The following NAPG variants were observed in gnomAD, a reference collection of about 807,000 sequenced individuals.
NAPG encodes NSF attachment protein gamma.
A neutral mutation model predicts 48.4 loss-of-function variants in NAPG; 25 were observed. The ratio of observed to expected loss-of-function variants is 0.52; its 90% CI spans 0.38 to 0.72. NAPG has a LOEUF of 0.72. NAPG is among the 30% of genes least tolerant of loss of function. The pLI, the probability that NAPG is intolerant of heterozygous loss-of-function variation, is 0.00. For synonymous variants in NAPG, 139 were observed against 127.2 expected, an observed-to-expected ratio of 1.09 and a Z score of -0.62; for missense variants, 359 against 372.5, an observed-to-expected ratio of 0.96 and a Z score of 0.30.
At chr18:10,532,444 T>C (rs2031946733) in intron 2 of NAPG, among the ~76,000 whole-genome samples, 1 of 152,186 alleles carries the variant, frequency 6.6e-6, no homozygotes, top group African/African-American at 2.4e-5. Context: ...GAAAGACTTC[T>C]TGATTTTGAG....
chr18:10,526,234 G>A, intron 1 of NAPG, 76 bp downstream of exon 1: 1 of 876,488 alleles, frequency 1.1e-6, no homozygotes, highest in South Asian at 1.3e-5. Context: ...AGCACCCGGG[G>A]GGGGCGGGAG....
intron 11 of NAPG, 90 bp downstream of exon 11, chr18:10,549,186 A>AT (rs1341774373): frequency 2.2e-5 from 31 of 1,440,882 alleles, no homozygotes; most frequent in Middle Eastern, 1.8e-4. Flanking sequence ...TACTTAAGAG[A>AT]TTTTTTCCTA....
At position 10,540,345 on chromosome 18, in the gene NAPG, G is replaced by C; in HGVS notation, c.452G>C (p.Arg151Pro). 3.1e-6 allele frequency: 5 copies of C among 1,613,684 alleles called. No homozygotes were observed. The highest frequency in any genetic ancestry group is 4.2e-6 in the Non-Finnish European group (5 of 1,179,748). Residue 151 changes from arginine to proline, a missense_variant, in exon 8 of 12, where the codon CGA becomes CCA. Coordinates refer to ENST00000322897, the MANE Select transcript of NAPG (RefSeq NM_003826.3). ...TTCCTTCAGAATGAAGAACGCTTAC[G>C]ACAGGCAGTTGAATTACTAGGAAAA... ...ANVFENEERL[R>P]QAVELLGKAS...
At chr18:10,540,140 CT>C in intron 7 of NAPG, 86 bp downstream of exon 7, 2 of 1,191,756 alleles carry the variant, frequency 1.7e-6, no homozygotes, top group South Asian at 1.5e-5. Context: ...GCAGTGGCTA[CT>C]TTTAAAACTT....
rs887689764 is a variant in NAPG, at chr18:10,544,396, C to G, written c.507-1930C>G. On this transcript the variant is annotated intron_variant, in intron 8 of 11. Transcript: ENST00000322897. This position sits in a 1 kb window ranked among gnomAD's most constrained non-coding sequence, Gnocchi z 5.1. Reference sequence around the variant, plus strand: ...GGCTGATCTCACCGGAGGCTTGGGTCCTTTTCCAAGCTCATTGATTGTTGG... The same window carrying G: ...GGCTGATCTCACCGGAGGCTTGGGTGCTTTTCCAAGCTCATTGATTGTTGG... Among the ~76,000 whole-genome samples the G allele has an allele frequency of 6.6e-6, 1 of 152,172 alleles. No homozygotes were observed. Among genetic ancestry groups the G allele is most frequent in the African/African-American group, 2.4e-5 (1 of 41,442 alleles).
intron 8 of NAPG, chr18:10,540,625 T>C (rs951529953): frequency 2.6e-5 from 10 of 384,064 alleles, no homozygotes; most frequent in South Asian, 1.6e-4. Context: ...TCATGCACTG[T>C]GCTTTTATTG....
At position 10,532,746 on chromosome 18, in the gene NAPG, G is replaced by A. The variant is rs1374038878; in HGVS notation, c.160G>A (p.Ala54Thr). The A allele has an allele frequency of 2.5e-6, 4 of 1,592,584 alleles. No homozygotes were observed. Among genetic ancestry groups the A allele is most frequent in the Non-Finnish European group, 3.4e-6 (4 of 1,168,304 alleles). ...AFKNAKQFEQ[A>T]KDACLREAVA... ...TAAAAATGCCAAACAGTTTGAGCAA[G>A]CAAAAGATGCCTGCCTGAGGGAAGC... is the stretch of plus-strand genomic sequence containing the variant. The change falls in exon 3 of 12, where the codon GCA (alanine) becomes ACA (threonine). Residue 54 changes from alanine (A) to threonine (T), a missense_variant. Physicochemically the swap from Ala to Thr is moderately conservative, Grantham distance 58. Transcript: ENST00000322897.
chr18:10,534,629 C>T lies in NAPG; in HGVS notation c.258+133C>T. ...AGGTGCTAAGTTAAGATTTTCTGTC[C>T]ACGGTAACGTTAATTGGACCCATAG... On this transcript the variant is annotated intron_variant, in intron 5 of 11. Transcript: ENST00000322897. This position sits in a 1 kb window ranked among gnomAD's most constrained non-coding sequence, Gnocchi z 5.0. 1 of 749,038 alleles carries T rather than the reference C, an allele frequency of 1.3e-6. No homozygotes were observed. The allele number at this position is 749,038 out of a possible 1,614,324, so 46.4% of individuals were successfully genotyped here. A position where few individuals can be genotyped will look rare whatever the true frequency, so the allele number is the denominator to read the frequency against.
chr18:10,540,951 TTC>T (rs1367068332), intron 8 of NAPG, among the ~76,000 whole-genome samples: 2 of 132,944 alleles, frequency 1.5e-5, no homozygotes, highest in East Asian at 4.6e-4. Context: ...ATTAATAAAA[TTC>T]TGTCTCAATA....
intron 2 of NAPG, among the ~76,000 whole-genome samples, chr18:10,532,265 G>A (rs1598409364): frequency 6.6e-6 from 1 of 152,230 alleles, no homozygotes; most frequent in African/African-American, 2.4e-5. Context: ...CAAAAGGAAG[G>A]TTTATTATAA....
At position 10,546,366 on chromosome 18, in the gene NAPG, A is replaced by G. The variant is rs759917372; in HGVS notation, c.547A>G (p.Ile183Val). ...AALSIQKEKNIYKEIENYPTC... is the reference protein window; with the variant it reads ...AALSIQKEKNVYKEIENYPTC... ...ACTCTCTATTCAGAAAGAAAAAAAT[A>G]TTTATAAGGAAATTGAGAATTATCC... is the stretch of plus-strand genomic sequence containing the variant. Residue 183 changes from isoleucine (I) to valine (V), a missense_variant, in exon 9 of 12, where the codon ATT becomes GTT. Ile to Val is a conservative substitution (Grantham distance 29). Transcript: ENST00000322897. This position sits in a 1 kb window ranked among gnomAD's most constrained non-coding sequence, Gnocchi z 4.0. The G allele has an allele frequency of 2.2e-5, 35 of 1,577,288 alleles. No homozygotes were observed. In the Admixed American group the frequency reaches 6.2e-4, roughly 28 times the overall value.
At chr18:10,536,960 T>G (rs1567890141) in intron 5 of NAPG, among the ~76,000 whole-genome samples, 1 of 149,306 alleles carries the variant, frequency 6.7e-6, no homozygotes, top group African/African-American at 2.5e-5. Context: ...TAGCCTGTTT[T>G]TGTTTTTTTT....
chr18:10,534,589 T>G lies in NAPG; in HGVS notation c.258+93T>G. The G allele has an allele frequency of 1.7e-6, 2 of 1,206,360 alleles. No individual in the cohort carries two copies. Among genetic ancestry groups the G allele is most frequent in the South Asian group, 1.2e-5 (1 of 81,462 alleles). 74.7% of individuals were successfully genotyped at this position (1,206,360 alleles called of 1,614,324 possible). ...TTTTTGTTGAAGTTGAAAAGCTTCC[T>G]TACTGTAAGGCAAGAGGTGCTAAGT... is the stretch of plus-strand genomic sequence containing the variant. On this transcript the variant is annotated intron_variant, in intron 5 of 11. Coordinates refer to ENST00000322897, the MANE Select transcript of NAPG (RefSeq NM_003826.3). The surrounding 1 kb of genome is among the most constrained non-coding windows in gnomAD (Gnocchi z 5.0).
chr18:10,545,509 T>C (rs527785649), intron 8 of NAPG, among the ~76,000 whole-genome samples: 54 of 152,262 alleles, frequency 3.5e-4, no homozygotes, highest in East Asian at 2.1e-3. Context: ...TGGACTGTTA[T>C]TGGGATGAGA....
Position 10,544,314 on chromosome 18 carries a change from G to A in NAPG, c.507-2012G>A, listed in dbSNP as rs2032216840. 6.6e-6 allele frequency among the ~76,000 whole-genome samples: 1 copy of A among 152,252 alleles called. No individual in the cohort carries two copies. The highest frequency in any genetic ancestry group is 6.5e-5 in the Admixed American group (1 of 15,286). ...CTGGATACAGTGTAGCTAGGTCCTAGTGTAGCTAGGTAGCAGAGCTAGGGT... is the reference window on the plus strand; with the variant it reads ...CTGGATACAGTGTAGCTAGGTCCTAATGTAGCTAGGTAGCAGAGCTAGGGT... On this transcript the variant is annotated intron_variant, in intron 8 of 11. Transcript: ENST00000322897. The surrounding 1 kb of genome is among the most constrained non-coding windows in gnomAD (Gnocchi z 5.1).
chr18:10,537,288 A>G (rs2032055072), intron 5 of NAPG, among the ~76,000 whole-genome samples: 1 of 152,232 alleles, frequency 6.6e-6, no homozygotes, highest in African/African-American at 2.4e-5. Flanking sequence ...TAATATAAAC[A>G]GTCAGTTAGT....
At position 10,543,146 on chromosome 18, in the gene NAPG, A is replaced by AAAAAG. The variant is rs938148619; in HGVS notation, c.506+2762_506+2766dup. Among the ~76,000 whole-genome samples, 1 of 146,812 alleles carries AAAAAG rather than the reference A, an allele frequency of 6.8e-6. No individual in the cohort carries two copies. The highest frequency in any genetic ancestry group is 1.5e-5 in the Non-Finnish European group (1 of 67,912). ...TGAGACTCCCATCTCAAAAAAAAAA[A>AAAAAG]AAAAGAAAAGAAAAGAAAAAAAGAC... On this transcript the variant is annotated intron_variant, in intron 8 of 11. Transcript: ENST00000322897. The surrounding 1 kb of genome is among the most constrained non-coding windows in gnomAD (Gnocchi z 4.4).
rs2032323426 is a variant in NAPG, at chr18:10,548,851, CTTTT to C, written c.666-115_666-112del. On this transcript the variant is annotated intron_variant, in intron 10 of 11. Transcript: ENST00000322897. This position sits in a 1 kb window ranked among gnomAD's most constrained non-coding sequence, Gnocchi z 4.4. ...TCTAGATGCCACTAGCATTCCCACA[CTTTT>C]AAGTACCAAAATGTCTCCAGACAGT... The C allele has an allele frequency of 3.7e-6, 5 of 1,341,700 alleles. No homozygotes were observed. The Admixed American group carries it at 9.9e-5, about 26-fold the overall frequency. 83.1% of individuals were successfully genotyped at this position (1,341,700 alleles called of 1,614,324 possible).
intron 8 of NAPG, chr18:10,540,814 A>C (rs2032140256): frequency 6.5e-6 from 1 of 154,418 alleles, no homozygotes; most frequent in Non-Finnish European, 1.4e-5. Flanking sequence ...TAGAATATTT[A>C]CCTTGTTATC....
Sources: gnomAD v4.1 joint callset for allele counts (sites outside exome capture counted in the v4.1 genomes callset) on GRCh38, gnomAD v4.1.1 for gene constraint, Gnocchi (gnomAD v3.1) non-coding constraint, MANE v1.5 for transcripts, NCBI Gene and HGNC (gene_info 2026-07-23, HGNC 2026-07-21) for gene names.